Variants in PPM1H observed in about 807,000 individuals in gnomAD.
PPM1H encodes the protein protein phosphatase 1H.
Under a neutral mutation model 54.9 loss-of-function variants are expected in PPM1H, and 27 were observed. That is an observed-to-expected ratio of 0.49 (90% CI 0.36 to 0.68). PPM1H has a LOEUF of 0.68. Ranked by LOEUF, PPM1H falls within the 30% of genes least tolerant of loss-of-function variation. The probability of loss-of-function intolerance (pLI) is 0.00; values close to 1 mark genes in which losing one functional copy is unlikely to be tolerated. For missense variants in PPM1H, 596 were observed against 667.8 expected (o/e 0.89, Z 1.19); for synonymous variants, 305 against 270.8 (o/e 1.13, Z -1.24).
rs150109374 is a variant in PPM1H, at chr12:62,822,259, G to A, written c.411+9855C>T. 7.7e-3 allele frequency among the ~76,000 whole-genome samples: 1,167 copies of A among 152,248 alleles called. 13 individuals are homozygous for A. Among genetic ancestry groups the A allele is most frequent in the African/African-American group, 0.026 (1,076 of 41,538 alleles). On this transcript the variant is annotated intron_variant, in intron 2 of 9. Transcript: ENST00000228705. Reference sequence around the variant, plus strand: ...AGGAGCACCCAGATTCATAAAGCAAGTCCTTAGGGACCTACAAAGAGACTT... The same window carrying A: ...AGGAGCACCCAGATTCATAAAGCAAATCCTTAGGGACCTACAAAGAGACTT...
At position 62,794,029 on chromosome 12, in the gene PPM1H, G is replaced by A. The variant is rs181688868; in HGVS notation, c.757-5691C>T. On this transcript the variant is annotated intron_variant, in intron 3 of 9. Transcript: ENST00000228705. ...CGGCTCTGAGCACATTGCTAATAGT[G>A]TCAGTCACAAATAATCAGATTCTGC... 1.7e-4 allele frequency among the ~76,000 whole-genome samples: 26 copies of A among 152,306 alleles called. No homozygotes were observed. In the East Asian group the frequency reaches 2.1e-3, roughly 12 times the overall value.
chr12:62,774,148 A>C (rs1565784716), intron 4 of PPM1H, among the ~76,000 whole-genome samples: 1 of 152,178 alleles, frequency 6.6e-6, no homozygotes, highest in African/African-American at 2.4e-5. Context: ...ACACCCTTGA[A>C]ATCAATTAGT....
At position 62,767,105 on chromosome 12, in the gene PPM1H, G is replaced by A. The variant is rs577632028; in HGVS notation, c.869+21121C>T. Among the ~76,000 whole-genome samples, 4 of 152,292 alleles carry A rather than the reference G, an allele frequency of 2.6e-5. No individual in the cohort carries two copies. The South Asian group carries it at 6.2e-4, about 24-fold the overall frequency. On this transcript the variant is annotated intron_variant, in intron 4 of 9. Transcript: ENST00000228705. Reference sequence around the variant, plus strand: ...AGCTCCTGACGCTCTGCAGAGAGGTGGGAGGCTGACAAGAGGGGAGAGGTG... The same window carrying A: ...AGCTCCTGACGCTCTGCAGAGAGGTAGGAGGCTGACAAGAGGGGAGAGGTG...
intron 2 of PPM1H, among the ~76,000 whole-genome samples, chr12:62,819,331 C>G (rs904046081): frequency 1.3e-5 from 2 of 150,266 alleles, no homozygotes; most frequent in Non-Finnish European, 3.0e-5. Context: ...GGTTCACCTT[C>G]TTGGCCAGGC....
intron 3 of PPM1H, among the ~76,000 whole-genome samples, chr12:62,789,450 T>A (rs2076691795): frequency 6.6e-6 from 1 of 152,236 alleles, no homozygotes; most frequent in African/African-American, 2.4e-5. Flanking sequence ...TGACTTAAAA[T>A]GACTTAAATA....
intron 1 of PPM1H, among the ~76,000 whole-genome samples, chr12:62,926,537 A>G (rs1592674374): frequency 6.6e-6 from 1 of 152,240 alleles, no homozygotes; most frequent in Non-Finnish European, 1.5e-5. Context: ...AAAAATGAAC[A>G]TGTTAGAAAA....
chr12:62,683,369 C>T (rs911510530), intron 8 of PPM1H, among the ~76,000 whole-genome samples: 8 of 152,024 alleles, frequency 5.3e-5, no homozygotes, highest in African/African-American at 1.7e-4. Context: ...TTTGCTTTTC[C>T]TAACAACTTG....
intron 4 of PPM1H, among the ~76,000 whole-genome samples, chr12:62,753,395 T>C (rs1565778516): frequency 6.6e-6 from 1 of 152,230 alleles, no homozygotes; most frequent in Admixed American, 6.5e-5. Context: ...TCTGAATCTT[T>C]AATATACTCA....
At chr12:62,834,422 G>C (rs1322936497) in intron 1 of PPM1H, among the ~76,000 whole-genome samples, 1 of 152,216 alleles carries the variant, frequency 6.6e-6, no homozygotes, top group Non-Finnish European at 1.5e-5. Flanking sequence ...AAGCTCCACA[G>C]CCAGGAAGTG....
intron 6 of PPM1H, among the ~76,000 whole-genome samples, chr12:62,719,704 ATATCTTTT>A: frequency 6.6e-6 from 1 of 152,218 alleles, no homozygotes; most frequent in Non-Finnish European, 1.5e-5. Flanking sequence ...TTCAAAGGAT[ATATCTTTT>A]TATCACTTTA....
intron 1 of PPM1H, among the ~76,000 whole-genome samples, chr12:62,841,256 G>A (rs1207353228): frequency 6.6e-6 from 1 of 152,094 alleles, no homozygotes; most frequent in Non-Finnish European, 1.5e-5. Context: ...TTAAACAGTG[G>A]CTGGCAAACT....
intron 1 of PPM1H, among the ~76,000 whole-genome samples, chr12:62,892,139 A>G (rs1311724526): frequency 6.6e-6 from 1 of 152,200 alleles, no homozygotes; most frequent in Non-Finnish European, 1.5e-5. Flanking sequence ...TTTAAAGCAC[A>G]CTGAGTTTTT....
chr12:62,747,380 C>G (rs2076418789), intron 4 of PPM1H, among the ~76,000 whole-genome samples: 1 of 152,160 alleles, frequency 6.6e-6, no homozygotes, highest in Non-Finnish European at 1.5e-5. Context: ...AGGTGATCCA[C>G]CCGCCTCGGC....
chr12:62,919,325 T>TA (rs1351672681), intron 1 of PPM1H, among the ~76,000 whole-genome samples: 2 of 150,744 alleles, frequency 1.3e-5, no homozygotes, highest in Non-Finnish European at 2.9e-5. Flanking sequence ...ACTCAGGTGA[T>TA]AAAAAATCCA....
intron 1 of PPM1H, among the ~76,000 whole-genome samples, chr12:62,907,377 G>A (rs1339742752): frequency 6.6e-6 from 1 of 152,140 alleles, no homozygotes; most frequent in Non-Finnish European, 1.5e-5. Flanking sequence ...GCAGAAATGA[G>A]CAAATTGCAC....
In PPM1H at chr12:62,647,721, ACAAAGACCCTCTGTCATG is replaced by A; in HGVS notation, c.*750_*767del. 6.6e-6 allele frequency: 1 copy of A among 152,370 alleles called. No individual in the cohort carries two copies. Among genetic ancestry groups the A allele is most frequent in the East Asian group, 1.9e-4 (1 of 5,184 alleles). The allele number at this position is 152,370 out of a possible 1,614,324, so 9.4% of individuals were successfully genotyped here. A position where few individuals can be genotyped will look rare whatever the true frequency, so the allele number is the denominator to read the frequency against. On this transcript the variant is annotated 3_prime_UTR_variant, in exon 10 of 10. Transcript: ENST00000228705. ...GCAACTTGGGAACAAACATTACACA[ACAAAGACCCTCTGTCATG>A]CAGGGCACTGGCCCGGATGCTGCCT...
chr12:62,921,936 T>C (rs999731646), intron 1 of PPM1H, among the ~76,000 whole-genome samples: 1 of 152,242 alleles, frequency 6.6e-6, no homozygotes, highest in Non-Finnish European at 1.5e-5. Flanking sequence ...TCCTTACTTC[T>C]AAGTAGCTAC....
At chr12:62,865,704 C>T (rs1037928747) in intron 1 of PPM1H, among the ~76,000 whole-genome samples, 44 of 151,988 alleles carry the variant, frequency 2.9e-4, no homozygotes, top group African/African-American at 1.1e-3. Flanking sequence ...TGCCATGTTG[C>T]CCAGGCTGGT....
rs942181920 is a variant in PPM1H, at chr12:62,856,062, C to T, written c.246-23783G>A. Among the ~76,000 whole-genome samples the T allele has an allele frequency of 2.0e-5, 3 of 152,214 alleles. No homozygotes were observed. In the East Asian group the frequency reaches 5.8e-4, roughly 29 times the overall value. ...CACTATTCTTGGCTCTGTGCAAGCA[C>T]TGGGTACTGTTCCCTCTAATGCATT... On this transcript the variant is annotated intron_variant, in intron 1 of 9. Coordinates refer to ENST00000228705, the MANE Select transcript of PPM1H (RefSeq NM_020700.2).
Sources: gnomAD v4.1 joint callset for allele counts (sites outside exome capture counted in the v4.1 genomes callset) on GRCh38, gnomAD v4.1.1 for gene constraint, MANE v1.5 for transcripts, NCBI Gene and HGNC (gene_info 2026-07-23, HGNC 2026-07-21) for gene names.